The following TSPO2 variants were observed in gnomAD, a reference collection of about 807,000 sequenced individuals.
The protein encoded by TSPO2 is benzodiazapine receptor (peripheral)-like 1.
TSPO2 carries 15 observed loss-of-function variants against 13.3 expected under a neutral mutation model. The ratio of observed to expected loss-of-function variants is 1.13; its 90% CI spans 0.75 to 1.73. TSPO2 has a LOEUF of 1.73. Ranked by LOEUF, TSPO2 falls within the 40% of genes most tolerant of loss-of-function variation. The pLI is 0.00. For missense variants in TSPO2, 202 were observed against 198.3 expected, an observed-to-expected ratio of 1.02 and a Z score of -0.11; for synonymous variants, 81 against 91.6, an observed-to-expected ratio of 0.88 and a Z score of 0.66.
rs745891055 is a variant in TSPO2, at chr6:41,043,920, C to A, written c.316-20C>A. On this transcript the variant is annotated intron_variant, in intron 3 of 3. Coordinates refer to ENST00000373161, the MANE Select transcript of TSPO2 (RefSeq NM_001010873.3). ...TGCTGGTTCTCGGGCAGCCAGCTGA[C>A]CCCCGGCCTCTATGCCCAGGCCCTG... 4 of 1,603,354 alleles carry A rather than the reference C, an allele frequency of 2.5e-6. No homozygotes were observed. Among genetic ancestry groups the A allele is most frequent in the Admixed American group, 1.7e-5 (1 of 59,220 alleles).
chr6:41,043,193 C>T, intron 2 of TSPO2, 35 bp downstream of exon 2: 2 of 1,581,750 alleles, frequency 1.3e-6, no homozygotes, highest in Non-Finnish European at 1.7e-6. Flanking sequence ...GCCCTGGTAC[C>T]CAATGGGGTG....
upstream of TSPO2, chr6:41,042,405 G>T: frequency 4.3e-6 from 1 of 234,014 alleles, no homozygotes; most frequent in Non-Finnish European, 8.7e-6. Context: ...ATTTGGGCAG[G>T]AGATCAGCCT....
intron 3 of TSPO2, 58 bp downstream of exon 3, chr6:41,043,756 C>T: frequency 6.4e-7 from 1 of 1,563,082 alleles, no homozygotes; most frequent in South Asian, 1.2e-5. Flanking sequence ...AACCACCTGG[C>T]TCCAGAAGCA....
At chr6:41,041,497 G>C (rs1762588114), upstream of TSPO2, among the ~76,000 whole-genome samples, 1 of 152,220 alleles carries the variant, frequency 6.6e-6, no homozygotes, top group Non-Finnish European at 1.5e-5. Flanking sequence ...AAGAGGATGG[G>C]GGCAGGGAGG....
In TSPO2 at chr6:41,044,170, G is replaced by A; in HGVS notation, c.*33G>A. ...GGGCATGGGAGAGGAGGGACGCCCAGGGTGGGGAGGAAGAGTCTGCAAGCA... is the reference window on the plus strand; with the variant it reads ...GGGCATGGGAGAGGAGGGACGCCCAAGGTGGGGAGGAAGAGTCTGCAAGCA... On this transcript the variant is annotated 3_prime_UTR_variant, in exon 4 of 4. Coordinates refer to ENST00000373161, the MANE Select transcript of TSPO2 (RefSeq NM_001010873.3). 1.2e-6 allele frequency: 2 copies of A among 1,610,910 alleles called. No homozygotes were observed. The highest frequency in any genetic ancestry group is 4.5e-5 in the East Asian group (2 of 44,858).
chr6:41,043,936 C>G lies in TSPO2; in HGVS notation c.316-4C>G. The G allele has an allele frequency of 1.2e-6, 2 of 1,612,572 alleles. No individual in the cohort carries two copies. Among genetic ancestry groups the G allele is most frequent in the Non-Finnish European group, 1.7e-6 (2 of 1,179,486 alleles). Reference sequence around the variant, plus strand: ...GCCAGCTGACCCCCGGCCTCTATGCCCAGGCCCTGCTGCACCTGCTGCTGC... The same window carrying G: ...GCCAGCTGACCCCCGGCCTCTATGCGCAGGCCCTGCTGCACCTGCTGCTGC... On this transcript the variant is annotated splice_region_variant and splice_polypyrimidine_tract_variant and intron_variant, in intron 3 of 3. Coordinates refer to ENST00000373161, the MANE Select transcript of TSPO2 (RefSeq NM_001010873.3).
In TSPO2 at chr6:41,044,251, C is replaced by A; in HGVS notation, c.*114C>A. The A allele has an allele frequency of 1.9e-6, 2 of 1,038,470 alleles. No individual in the cohort carries two copies. The highest frequency in any genetic ancestry group is 3.0e-5 in the South Asian group (2 of 67,566). The allele number at this position is 1,038,470 out of a possible 1,614,324, so 64.3% of individuals were successfully genotyped here. On this transcript the variant is annotated 3_prime_UTR_variant, in exon 4 of 4. Coordinates refer to ENST00000373161, the MANE Select transcript of TSPO2 (RefSeq NM_001010873.3). ...GACCACCCTCCTGGGTCCCCTGGTG[C>A]CGTTTTTCCTTAGAAATCAGAGAAA...
In TSPO2 at chr6:41,043,982, A is replaced by G; in HGVS notation, c.358A>G (p.Thr120Ala). Residue 120 changes from threonine (T) to alanine (A), a missense_variant, in exon 4 of 4, where the codon ACA becomes GCA. Transcript: ENST00000373161. The stretch of plus-strand genomic sequence containing the variant: ...GCTGCTGTATGGGCTGGTGGTGAGC[A>G]CAGCACTGATCTGGCATCCCATCAA... The part of the protein sequence containing the change: ...LLLLYGLVVS[T>A]ALIWHPINKL... The G allele has an allele frequency of 6.2e-7, 1 of 1,614,098 alleles. No homozygotes were observed. Among genetic ancestry groups the G allele is most frequent in the Non-Finnish European group, 8.5e-7 (1 of 1,179,976 alleles).
At position 41,043,636 on chromosome 6, in the gene TSPO2, G is replaced by A. The variant is rs147485285; in HGVS notation, c.253G>A (p.Val85Ile). 9 of 1,613,406 alleles carry A rather than the reference G, an allele frequency of 5.6e-6. No homozygotes were observed. The highest frequency in any genetic ancestry group is 7.6e-6 in the Non-Finnish European group (9 of 1,179,664). The change falls in exon 3 of 4, where the codon GTT becomes ATT. Residue 85 changes from valine to isoleucine, a missense_variant. Transcript: ENST00000373161. The part of the protein sequence containing the change: ...PLALPLGLYA[V>I]QLTISWTVLV... The stretch of plus-strand genomic sequence containing the variant: ...GGCCCTGCCTCTTGGCCTCTATGCT[G>A]TTCAGCTCACCATCAGCTGGACTGT...
At position 41,042,680 on chromosome 6, in the gene TSPO2, A is replaced by G. The variant is rs999376654; in HGVS notation, c.-119A>G. 27 of 559,662 alleles carry G rather than the reference A, an allele frequency of 4.8e-5. No individual in the cohort carries two copies. The African/African-American group carries it at 4.8e-4, about 10-fold the overall frequency. 34.7% of individuals were successfully genotyped at this position (559,662 alleles called of 1,614,324 possible). A position where few individuals can be genotyped will look rare whatever the true frequency, so the allele number is the denominator to read the frequency against. The stretch of plus-strand genomic sequence containing the variant: ...CTCAGAAGCACTTGGAGGAAGGCCT[A>G]TTCACTTAGAAGCAGTTACCAGTGC... On this transcript the variant is annotated 5_prime_UTR_variant, in exon 1 of 4. Transcript: ENST00000373161.
In TSPO2 at chr6:41,044,319, T is replaced by C. The variant is rs1035053179; in HGVS notation, c.*182T>C. ...CTGATTTTACACTTAAATAATAAAATCCTATTAGTAACTCTGAAGGTATGA... is the reference window on the plus strand; with the variant it reads ...CTGATTTTACACTTAAATAATAAAACCCTATTAGTAACTCTGAAGGTATGA... On this transcript the variant is annotated 3_prime_UTR_variant, in exon 4 of 4. Coordinates refer to ENST00000373161, the MANE Select transcript of TSPO2 (RefSeq NM_001010873.3). 12 of 614,826 alleles carry C rather than the reference T, an allele frequency of 2.0e-5. No homozygotes were observed. Among genetic ancestry groups the C allele is most frequent in the Non-Finnish European group, 2.9e-5 (10 of 348,948 alleles). The allele number at this position is 614,826 out of a possible 1,614,324, so 38.1% of individuals were successfully genotyped here.
rs748888673 is a variant in TSPO2, at chr6:41,043,750, A to G, written c.315+52A>G. The G allele has an allele frequency of 6.4e-6, 10 of 1,565,162 alleles. No homozygotes were observed. In the South Asian group the frequency reaches 1.1e-4, roughly 17 times the overall value. The stretch of plus-strand genomic sequence containing the variant: ...AAGTAATGTGGGAGAGGGTGAAACC[A>G]CCTGGCTCCAGAAGCACATAATTCA... On this transcript the variant is annotated intron_variant, in intron 3 of 3. Transcript: ENST00000373161.
At position 41,044,083 on chromosome 6, in the gene TSPO2, G is replaced by A. The variant is rs760508091; in HGVS notation, c.459G>A (p.Trp153Ter). 1 of 1,614,168 alleles carries A rather than the reference G, an allele frequency of 6.2e-7. No homozygotes were observed. The highest frequency in any genetic ancestry group is 8.5e-7 in the Non-Finnish European group (1 of 1,180,036). The change falls in exon 4 of 4, where the codon TGG becomes TGA. Residue 153 changes from tryptophan to a stop codon, truncating the protein, a stop_gained. Coordinates refer to ENST00000373161, the MANE Select transcript of TSPO2 (RefSeq NM_001010873.3). LOFTEE classifies it high-confidence loss of function. Reference protein sequence around the residue: ...TVTSALTYHLWRDSLCPVHQP... With the variant: ...TVTSALTYHL Reference sequence around the variant, plus strand: ...CTTCAGCCCTCACCTACCACCTGTGGAGGGACAGCCTTTGTCCAGTGCACC... The same window carrying A: ...CTTCAGCCCTCACCTACCACCTGTGAAGGGACAGCCTTTGTCCAGTGCACC...
Position 41,043,037 on chromosome 6 carries a change from C to T in TSPO2, c.52C>T (p.Leu18=). ...GCTCCTGCCCCACCTGGGGCCCATC[C>T]TGGTCTGGCTGTTCACTCGTGATCA... ...FVLLPHLGPI[L]VWLFTRDHMS... Residue 18 remains leucine (L), a synonymous_variant, in exon 2 of 4, where the codon CTG becomes TTG. Transcript: ENST00000373161. 1 of 1,614,180 alleles carries T rather than the reference C, an allele frequency of 6.2e-7. No individual in the cohort carries two copies. The highest frequency in any genetic ancestry group is 1.6e-4 in the Middle Eastern group (1 of 6,062).
At chr6:41,042,940 C>A in intron 1 of TSPO2, 26 bp from the exon 2 acceptor site, 1 of 1,608,842 alleles carries the variant, frequency 6.2e-7, no homozygotes, top group Non-Finnish European at 8.5e-7. Context: ...GAAGGCTCAT[C>A]ACTAGCATGT....
chr6:41,042,264 G>A (rs537659844), upstream of TSPO2, among the ~76,000 whole-genome samples: 28 of 152,318 alleles, frequency 1.8e-4, no homozygotes, highest in African/African-American at 6.7e-4. Flanking sequence ...AAACCTGGAT[G>A]CTTGTGCTTA....
At position 41,044,108 on chromosome 6, in the gene TSPO2, C is replaced by T. The variant is rs752390938; in HGVS notation, c.484C>T (p.Gln162Ter). 4 of 1,614,164 alleles carry T rather than the reference C, an allele frequency of 2.5e-6. No individual in the cohort carries two copies. Among genetic ancestry groups the T allele is most frequent in the East Asian group, 2.2e-5 (1 of 44,878 alleles). ...GAGGGACAGCCTTTGTCCAGTGCAC[C>T]AGCCTCAGCCCACGGAGAAGAGTGA... Reference protein sequence around the residue: ...LWRDSLCPVHQPQPTEKSD With the variant: ...LWRDSLCPVH The change falls in exon 4 of 4, where the codon CAG (glutamine) becomes TAG (stop). Residue 162 changes from glutamine to a stop codon, truncating the protein, a stop_gained. Transcript: ENST00000373161. LOFTEE classifies it high-confidence loss of function.
In TSPO2 at chr6:41,043,966, T is replaced by C; in HGVS notation, c.342T>C (p.Tyr114=). The C allele has an allele frequency of 6.2e-7, 1 of 1,613,980 alleles. No homozygotes were observed. The highest frequency in any genetic ancestry group is 8.5e-7 in the Non-Finnish European group (1 of 1,179,942). The change falls in exon 4 of 4, where the codon TAT becomes TAC. Residue 114 remains tyrosine (Y), a synonymous_variant. Coordinates refer to ENST00000373161, the MANE Select transcript of TSPO2 (RefSeq NM_001010873.3). The stretch of plus-strand genomic sequence containing the variant: ...CCCTGCTGCACCTGCTGCTGCTGTA[T>C]GGGCTGGTGGTGAGCACAGCACTGA... ...GLALLHLLLL[Y]GLVVSTALIW... is the part of the protein sequence containing the mutation.
Position 41,042,743 on chromosome 6 carries a change from A to C in TSPO2, c.-56A>C. ...TCCAAGTGCCAGAGGAGTGCTGTGG[A>C]GAAAAGAAGTCCATGGAAGCCAGGA... On this transcript the variant is annotated 5_prime_UTR_variant, in exon 1 of 4. Transcript: ENST00000373161. 1 of 672,344 alleles carries C rather than the reference A, an allele frequency of 1.5e-6. No individual in the cohort carries two copies. The highest frequency in any genetic ancestry group is 2.0e-5 in the Admixed American group (1 of 48,928). The allele number at this position is 672,344 out of a possible 1,614,324, so 41.6% of individuals were successfully genotyped here. A position where few individuals can be genotyped will look rare whatever the true frequency, so the allele number is the denominator to read the frequency against.
Sources: allele counts gnomAD v4.1 joint callset (sites outside exome capture counted in the v4.1 genomes callset), GRCh38; gene constraint gnomAD v4.1.1; transcripts MANE v1.5; gene names NCBI Gene and HGNC (gene_info 2026-07-23, HGNC 2026-07-21).